The following ADAMTS16 variants were observed in gnomAD, a reference collection of about 807,000 sequenced individuals.
ADAMTS16 encodes the protein ADAM metallopeptidase with thrombospondin type 1 motif 16.
Under a neutral mutation model 145.8 loss-of-function variants are expected in ADAMTS16, and 94 were observed. The ratio of observed to expected loss-of-function variants is 0.64; its 90% CI spans 0.55 to 0.77. ADAMTS16 has a LOEUF of 0.77. Among genes scored for constraint, ADAMTS16 ranks in the 30% least tolerant of loss-of-function variants. The pLI is 0.00. For missense variants in ADAMTS16, 1,585 were observed against 1,591.5 expected, an observed-to-expected ratio of 1.00 and a Z score of 0.07; for synonymous variants, 659 against 604.3, an observed-to-expected ratio of 1.09 and a Z score of -1.33.
intron 18 of ADAMTS16, among the ~76,000 whole-genome samples, chr5:5,271,755 G>T (rs966489913): frequency 3.3e-5 from 5 of 152,170 alleles, no homozygotes; most frequent in Non-Finnish European, 7.3e-5. Context: ...CTCTTCTAGG[G>T]ATGCCAAGTA....
intron 21 of ADAMTS16, among the ~76,000 whole-genome samples, chr5:5,315,920 A>G (rs1328717231): frequency 2.0e-5 from 3 of 152,312 alleles, no homozygotes; most frequent in Non-Finnish European, 1.5e-5. Context: ...TTCCAGACAC[A>G]TGCTCAGGGG....
At chr5:5,199,661 C>T (rs973375395) in intron 8 of ADAMTS16, among the ~76,000 whole-genome samples, 1 of 152,190 alleles carries the variant, frequency 6.6e-6, no homozygotes, top group African/African-American at 2.4e-5. Flanking sequence ...AAGCATCAAA[C>T]TCGCCTGGGG....
chr5:5,248,240 A>C lies in ADAMTS16; in HGVS notation c.2662+6049A>C, dbSNP rs548706829. 2.6e-5 allele frequency among the ~76,000 whole-genome samples: 4 copies of C among 152,314 alleles called. No homozygotes were observed. In the South Asian group the frequency reaches 8.3e-4, roughly 32 times the overall value. Reference sequence around the variant, plus strand: ...AGTTCACATTATGGAAAAGTCAGCAATTTTTTGATGAAATCATGATCTTTC... The same window carrying C: ...AGTTCACATTATGGAAAAGTCAGCACTTTTTTGATGAAATCATGATCTTTC... On this transcript the variant is annotated intron_variant, in intron 17 of 22. Coordinates refer to ENST00000274181, the MANE Select transcript of ADAMTS16 (RefSeq NM_139056.4).
chr5:5,186,809 T>G (rs1482086756), intron 5 of ADAMTS16, among the ~76,000 whole-genome samples: 4 of 152,234 alleles, frequency 2.6e-5, no homozygotes, highest in African/African-American at 9.6e-5. Context: ...TCATTTCATG[T>G]AAGTGAAATC....
chr5:5,248,926 C>A (rs1287700212), intron 17 of ADAMTS16, among the ~76,000 whole-genome samples: 2 of 152,176 alleles, frequency 1.3e-5, no homozygotes, highest in Non-Finnish European at 2.9e-5. Context: ...TCCAGAGAAA[C>A]AACCAAAAGG....
chr5:5,216,827 A>G lies in ADAMTS16; in HGVS notation c.1606-5962A>G, dbSNP rs1286009360. ...TGTGTCCATGTGATCTCATTGTTCA[A>G]TTCCCACCTATGAGTGAGAATATGC... On this transcript the variant is annotated intron_variant, in intron 10 of 22. Coordinates refer to ENST00000274181, the MANE Select transcript of ADAMTS16 (RefSeq NM_139056.4). 5.8e-5 allele frequency among the ~76,000 whole-genome samples: 8 copies of G among 138,890 alleles called. No individual in the cohort carries two copies. In the South Asian group the frequency reaches 1.2e-3, roughly 20 times the overall value. The allele number at this position is 138,890 out of a possible 152,430, so 91.1% of individuals were successfully genotyped here. A position where few individuals can be genotyped will look rare whatever the true frequency, so the allele number is the denominator to read the frequency against.
chr5:5,297,886 C>T (rs749036468), intron 18 of ADAMTS16, among the ~76,000 whole-genome samples: 2 of 152,196 alleles, frequency 1.3e-5, no homozygotes, highest in South Asian at 2.1e-4. Context: ...TTTCACAAAT[C>T]GGGCAAAGTG....
chr5:5,223,682 T>C (rs1736674542), intron 11 of ADAMTS16: 1 of 152,172 alleles, frequency 6.6e-6, no homozygotes. Context: ...AGTTTATTAC[T>C]AAATGGTAAA....
At chr5:5,316,928 T>C (rs1394641486) in intron 21 of ADAMTS16, among the ~76,000 whole-genome samples, 1 of 152,226 alleles carries the variant, frequency 6.6e-6, no homozygotes, top group Non-Finnish European at 1.5e-5. Context: ...CTTGTGGCCA[T>C]GCAACCATCA....
At chr5:5,141,815 G>A (rs1049413174) in intron 2 of ADAMTS16, among the ~76,000 whole-genome samples, 5 of 152,018 alleles carry the variant, frequency 3.3e-5, no homozygotes, top group Non-Finnish European at 2.9e-5. Context: ...TAAGGTGACC[G>A]GTGTCAGATT....
chr5:5,297,875 G>A (rs1183154576), intron 18 of ADAMTS16, among the ~76,000 whole-genome samples: 1 of 152,204 alleles, frequency 6.6e-6, no homozygotes, highest in South Asian at 2.1e-4. Flanking sequence ...CTCTCCTTGG[G>A]TTTCACAAAT....
At chr5:5,218,038 T>C (rs953264471) in intron 10 of ADAMTS16, among the ~76,000 whole-genome samples, 61 of 152,286 alleles carry the variant, frequency 4.0e-4, no homozygotes, top group African/African-American at 1.3e-3. Flanking sequence ...TCTAGAACCG[T>C]GATTTAATAG....
intron 10 of ADAMTS16, 96 bp from the exon 11 acceptor site, chr5:5,222,693 C>A: frequency 1.0e-6 from 1 of 1,003,928 alleles, no homozygotes. Flanking sequence ...TAAATTATAT[C>A]TGTTGTTTTC....
chr5:5,232,497 C>T lies in ADAMTS16; in HGVS notation c.1831C>T (p.Arg611Cys), dbSNP rs746897394. The T allele has an allele frequency of 1.4e-5, 23 of 1,613,270 alleles. No individual in the cohort carries two copies. The highest frequency in any genetic ancestry group is 1.8e-5 in the Non-Finnish European group (21 of 1,179,892). Residue 611 changes from arginine to cysteine, a missense_variant, in exon 12 of 23, where the codon CGC (arginine) becomes TGC (cysteine). Physicochemically the swap from Arg to Cys is radical, Grantham distance 180 (BLOSUM62 -3). This residue lies in a region of ADAMTS16 where 834 missense variants were observed against 811.7 expected (regional missense o/e 1.03). Coordinates refer to ENST00000274181, the MANE Select transcript of ADAMTS16 (RefSeq NM_139056.4). ...TCGGGVSHRS[R>C]LCTNPKPSHG... ...CGGAGGGGGAGTATCTCATAGGAGT[C>T]GCCTCTGCACCAACCCCAAGTAAGT...
chr5:5,167,995 T>C (rs987624772), intron 3 of ADAMTS16, among the ~76,000 whole-genome samples: 2 of 152,224 alleles, frequency 1.3e-5, no homozygotes. Flanking sequence ...ATGTCTACCA[T>C]GTTGAGTAGC....
At chr5:5,232,682 C>A (rs566875958) in intron 12 of ADAMTS16, among the ~76,000 whole-genome samples, 166 bp downstream of exon 12, 1 of 147,356 alleles carries the variant, frequency 6.8e-6, no homozygotes, top group South Asian at 2.2e-4. Flanking sequence ...TGGCTCACTG[C>A]AACCTCCGCC....
intron 11 of ADAMTS16, among the ~76,000 whole-genome samples, chr5:5,229,944 C>G (rs764236120): frequency 2.0e-5 from 3 of 152,168 alleles, no homozygotes; most frequent in Non-Finnish European, 2.9e-5. Context: ...CTTTGCAAGT[C>G]AGCCTATATT....
At chr5:5,224,512 A>G (rs1427066363) in intron 11 of ADAMTS16, among the ~76,000 whole-genome samples, 6 of 151,790 alleles carry the variant, frequency 4.0e-5, no homozygotes, top group Admixed American at 1.3e-4. Flanking sequence ...CTGGTCTCAA[A>G]CCCCTTGACC....
intron 3 of ADAMTS16, among the ~76,000 whole-genome samples, chr5:5,151,364 G>A (rs1008013288): frequency 2.0e-5 from 3 of 151,480 alleles, no homozygotes; most frequent in East Asian, 3.9e-4. Flanking sequence ...TCAGCCTCCC[G>A]AGTACCTGGG....
Sources: allele counts gnomAD v4.1 joint callset (sites outside exome capture counted in the v4.1 genomes callset), GRCh38; gene constraint gnomAD v4.1.1; regional missense constraint gnomAD v4.1.1; transcripts MANE v1.5; gene names NCBI Gene and HGNC (gene_info 2026-07-23, HGNC 2026-07-21).